Variants in ZNF695 observed in about 807,000 individuals in gnomAD.
ZNF695 encodes the protein zinc finger protein SBZF3.
Under a neutral mutation model 11.2 loss-of-function variants are expected in ZNF695, and 11 were observed. The ratio of observed to expected loss-of-function variants is 0.98; its 90% CI spans 0.62 to 1.62. The LOEUF (loss-of-function observed/expected upper bound fraction) is 1.62, where lower values mean the gene tolerates loss of function less well. Ranked by LOEUF, ZNF695 falls within the 40% of genes most tolerant of loss-of-function variation. ZNF695 has a pLI of 0.00. For synonymous variants in ZNF695, 190 were observed against 201.4 expected, an observed-to-expected ratio of 0.94 and a Z score of 0.48; for missense variants, 559 against 590.5, an observed-to-expected ratio of 0.95 and a Z score of 0.55.
downstream of ZNF695, among the ~76,000 whole-genome samples, chr1:246,982,942 G>A (rs1378762708): frequency 2.0e-5 from 3 of 152,114 alleles, no homozygotes; most frequent in Admixed American, 1.3e-4. Flanking sequence ...GGTGGCTCAC[G>A]CCTGTAATCC....
intron 4 of ZNF695, among the ~76,000 whole-genome samples, chr1:246,972,676 C>T (rs1464632928): frequency 3.9e-5 from 6 of 151,954 alleles, no homozygotes; most frequent in Non-Finnish European, 5.9e-5. Context: ...CCTGCCACCA[C>T]GCCCAGCTAA....
rs2103022774 is a variant in ZNF695 at position 246,987,220 on chromosome 1, C to A, written c.1295G>T (p.Gly432Val). ...YLTQHKRIHTGEKPYKCDECG... is the reference protein window; with the variant it reads ...YLTQHKRIHTVEKPYKCDECG... ...TTCATCACATTTGTAGGGTTTCTCTCCAGTATGAATTCTCTTATGTTGAGT... is the reference window on the plus strand; with the variant it reads ...TTCATCACATTTGTAGGGTTTCTCTACAGTATGAATTCTCTTATGTTGAGT... The change falls in exon 4 of 4, where the codon GGA becomes GTA. Residue 432 changes from glycine to valine, a missense_variant. Coordinates refer to ENST00000339986, the MANE Select transcript of ZNF695 (RefSeq NM_020394.5). 2 of 1,613,938 alleles carry A rather than the reference C, an allele frequency of 1.2e-6. No homozygotes were observed. The highest frequency in any genetic ancestry group is 2.2e-5 in the South Asian group (2 of 91,078).
intron 5 of ZNF695, among the ~76,000 whole-genome samples, chr1:246,950,849 C>T (rs1667855500): frequency 6.6e-6 from 1 of 151,810 alleles, no homozygotes; most frequent in South Asian, 2.1e-4. Context: ...TTTCATCCTC[C>T]TAGGATGACT....
intron 5 of ZNF695, among the ~76,000 whole-genome samples, chr1:246,966,117 G>C (rs1487862219): frequency 6.6e-6 from 1 of 152,016 alleles, no homozygotes; most frequent in Non-Finnish European, 1.5e-5. Flanking sequence ...AAGAGCCTGG[G>C]GCAGAGGCAT....
At position 246,987,025 on chromosome 1, in the gene ZNF695, C is replaced by T. The variant is rs1191473992; in HGVS notation, c.1490G>A (p.Cys497Tyr). 6.2e-7 allele frequency: 1 copy of T among 1,611,376 alleles called. No homozygotes were observed. Among genetic ancestry groups the T allele is most frequent in the African/African-American group, 1.3e-5 (1 of 74,710 alleles). The change falls in exon 4 of 4, where the codon TGT becomes TAT. Residue 497 changes from cysteine (C) to tyrosine (Y), a missense_variant. Coordinates refer to ENST00000339986, the MANE Select transcript of ZNF695 (RefSeq NM_020394.5). The stretch of plus-strand genomic sequence containing the variant: ...TGCAGAGTGGTTAAAGGCTTTGCCA[C>T]ATTCCTCACACTTGTATGGTTTCTC... ...TREKPYKCEE[C>Y]GKAFNHSAQL...
intron 4 of ZNF695, among the ~76,000 whole-genome samples, chr1:246,979,647 C>A (rs1668653733): frequency 6.6e-6 from 1 of 152,126 alleles, no homozygotes; most frequent in South Asian, 2.1e-4. Context: ...CCAAATCTAA[C>A]CATATTTCTT....
Position 246,985,759 on chromosome 1 carries a change from G to A in ZNF695, c.*1208C>T, listed in dbSNP as rs1442694613. The A allele has an allele frequency of 1.0e-6, 1 of 985,362 alleles. No homozygotes were observed. Among genetic ancestry groups the A allele is most frequent in the Non-Finnish European group, 1.2e-6 (1 of 829,902 alleles). 61.0% of individuals were successfully genotyped at this position (985,362 alleles called of 1,614,324 possible). A position where few individuals can be genotyped will look rare whatever the true frequency, so the allele number is the denominator to read the frequency against. ...TAAATATAATGCAGAATAGTACTCT[G>A]AAGACCTATCTCATGAATCACTTAC... On this transcript the variant is annotated 3_prime_UTR_variant, in exon 4 of 4. Transcript: ENST00000339986.
intron 5 of ZNF695, among the ~76,000 whole-genome samples, chr1:246,963,921 G>A (rs1668226288): frequency 1.3e-5 from 2 of 152,210 alleles, no homozygotes; most frequent in Non-Finnish European, 2.9e-5. Flanking sequence ...TGACTGACAG[G>A]CTGTACACTG....
At chr1:246,958,822 G>A (rs150295581) in intron 5 of ZNF695, among the ~76,000 whole-genome samples, 167 of 152,248 alleles carry the variant, frequency 1.1e-3, no homozygotes, top group Non-Finnish European at 1.6e-3. Flanking sequence ...ATAGTAACAC[G>A]CGGGGACAGT....
intron 4 of ZNF695, among the ~76,000 whole-genome samples, chr1:246,974,161 CAAAA>C (rs912540573): frequency 4.2e-5 from 6 of 142,706 alleles, no homozygotes; most frequent in South Asian, 2.2e-4. Context: ...AACAAACAAA[CAAAA>C]AAAAACAAAC....
intron 5 of ZNF695, among the ~76,000 whole-genome samples, chr1:246,963,455 C>T (rs1365268541): frequency 6.6e-6 from 1 of 152,096 alleles, no homozygotes; most frequent in Non-Finnish European, 1.5e-5. Flanking sequence ...AAAAAACAGG[C>T]AAACTTCCTG....
At chr1:246,960,989 T>C (rs140954526) in intron 5 of ZNF695, among the ~76,000 whole-genome samples, 1 of 152,286 alleles carries the variant, frequency 6.6e-6, no homozygotes, top group East Asian at 1.9e-4. Flanking sequence ...ATGAAGGTCT[T>C]TTGAGCTCAA....
At position 246,962,303 on chromosome 1, in the gene ZNF695, G is replaced by T. The variant is rs1668182257; in HGVS notation, c.488+5392C>A. Reference sequence around the variant, plus strand: ...ACTGGGCCCTCATGGCCCAGTCACAGGAATATGGCTAGCAAGGCAGCACGA... The same window carrying T: ...ACTGGGCCCTCATGGCCCAGTCACATGAATATGGCTAGCAAGGCAGCACGA... On this transcript the variant is annotated intron_variant, in intron 5 of 5. Coordinates refer to the ZNF695 transcript ENST00000487338. 2.6e-5 allele frequency among the ~76,000 whole-genome samples: 4 copies of T among 152,282 alleles called. No individual in the cohort carries two copies. In the South Asian group the frequency reaches 8.3e-4, roughly 32 times the overall value.
intron 4 of ZNF695, chr1:246,967,863 C>G (rs1383186164): frequency 9.3e-6 from 2 of 215,618 alleles, no homozygotes; most frequent in Admixed American, 5.2e-5. Context: ...TGAGAACTCA[C>G]TCATCATGAG....
chr1:246,949,846 TTACA>T (rs1667829219), intron 5 of ZNF695, among the ~76,000 whole-genome samples: 1 of 152,204 alleles, frequency 6.6e-6, no homozygotes, highest in South Asian at 2.1e-4. Context: ...TAACCATCAA[TTACA>T]TACTAACAAT....
In ZNF695 at chr1:246,987,706, C is replaced by T. The variant is rs1668895705; in HGVS notation, c.809G>A (p.Cys270Tyr). Residue 270 changes from cysteine to tyrosine, a missense_variant, in exon 4 of 4, where the codon TGT (cysteine) becomes TAT (tyrosine). Coordinates refer to ENST00000339986, the MANE Select transcript of ZNF695 (RefSeq NM_020394.5). Reference sequence around the variant, plus strand: ...GTTAAAAGCTTTGCCACATTCTTCACATCTGTAGGTTTTCTTTTCAGTATG... The same window carrying T: ...GTTAAAAGCTTTGCCACATTCTTCATATCTGTAGGTTTTCTTTTCAGTATG... The part of the protein sequence containing the change: ...KNHTEKKTYR[C>Y]EECGKAFNLC... 1.9e-6 allele frequency: 3 copies of T among 1,593,812 alleles called. No homozygotes were observed. Among genetic ancestry groups the T allele is most frequent in the Non-Finnish European group, 2.6e-6 (3 of 1,172,498 alleles).
rs767631196 is a variant in ZNF695, at chr1:246,987,752, G to C, written c.763C>G (p.Leu255Val). The change falls in exon 4 of 4, where the codon CTT (leucine) becomes GTT (valine). Residue 255 changes from leucine to valine, a missense_variant. Coordinates refer to ENST00000339986, the MANE Select transcript of ZNF695 (RefSeq NM_020394.5). ...CNNIFKSCSSLAVVEKNHTEK... is the reference protein window; with the variant it reads ...CNNIFKSCSSVAVVEKNHTEK... ...GTATGATTTTTCTCAACAACAGCAA[G>C]ACTTGAGCAAGACTTAAAAATGTTA... 1.3e-6 allele frequency: 2 copies of C among 1,590,468 alleles called. No homozygotes were observed. Among genetic ancestry groups the C allele is most frequent in the African/African-American group, 2.7e-5 (2 of 73,548 alleles).
chr1:246,949,836 T>C (rs1667828917), intron 5 of ZNF695, among the ~76,000 whole-genome samples: 1 of 152,188 alleles, frequency 6.6e-6, no homozygotes, highest in Non-Finnish European at 1.5e-5. Flanking sequence ...TTATATAGTA[T>C]AACCATCAAT....
At chr1:246,946,105 A>G (rs12407113) in intron 5 of ZNF695, among the ~76,000 whole-genome samples, 30,211 of 152,066 alleles carry the variant, frequency 0.2, 3,507 homozygotes, top group East Asian at 0.31. Flanking sequence ...GTCTTTCCCC[A>G]GAAGGATGTG....
Sources: allele counts gnomAD v4.1 joint callset (sites outside exome capture counted in the v4.1 genomes callset), GRCh38; gene constraint gnomAD v4.1.1; transcripts MANE v1.5; gene names NCBI Gene and HGNC (gene_info 2026-07-23, HGNC 2026-07-21).